The following PPP2R3A variants were observed in gnomAD, a reference collection of about 807,000 sequenced individuals.
PPP2R3A encodes the protein serine/threonine-protein phosphatase 2A regulatory subunit B'' subunit alpha.
A neutral mutation model predicts 106.9 loss-of-function variants in PPP2R3A; 80 were observed. That is an observed-to-expected ratio of 0.75 (90% CI 0.62 to 0.90). The LOEUF (loss-of-function observed/expected upper bound fraction) is 0.90. PPP2R3A is among the 40% of genes least tolerant of loss of function. PPP2R3A has a pLI of 0.00. For missense variants in PPP2R3A, 1,386 were observed against 1,350.4 expected, an observed-to-expected ratio of 1.03 and a Z score of -0.41; for synonymous variants, 483 against 468.3, an observed-to-expected ratio of 1.03 and a Z score of -0.41.
intron 8 of PPP2R3A, among the ~76,000 whole-genome samples, chr3:136,084,380 G>A (rs994747868): frequency 2.6e-5 from 4 of 152,232 alleles, no homozygotes; most frequent in Non-Finnish European, 4.4e-5. Context: ...GTCAAGTATT[G>A]AGATTTGGGA....
At chr3:136,136,062 AAAAAAAAAAAATTATATAT>A (rs1328044896) in intron 13 of PPP2R3A, among the ~76,000 whole-genome samples, 6,430 of 58,166 alleles carry the variant, frequency 0.11, 496 homozygotes, top group East Asian at 0.32. Context: ...AAAAAAAAAA[AAAAAAAAAAAATTATATAT>A]ATATATATAT....
At chr3:136,099,644 T>G (rs943503689) in intron 10 of PPP2R3A, among the ~76,000 whole-genome samples, 4 of 151,120 alleles carry the variant, frequency 2.6e-5, no homozygotes, top group Non-Finnish European at 5.9e-5. Flanking sequence ...CAATAGGAAA[T>G]AGAGACAAGA....
At chr3:136,104,542 G>GTGATC (rs1937466759) in intron 12 of PPP2R3A, among the ~76,000 whole-genome samples, 1 of 152,122 alleles carries the variant, frequency 6.6e-6, no homozygotes, top group African/African-American at 2.4e-5. Flanking sequence ...CCGACCTTAG[G>GTGATC]TGATCTGCCC....
At chr3:136,086,962 G>C (rs1002611224) in intron 8 of PPP2R3A, among the ~76,000 whole-genome samples, 6 of 152,180 alleles carry the variant, frequency 3.9e-5, no homozygotes, top group Non-Finnish European at 8.8e-5. Context: ...AGCACTTTGG[G>C]AGGCTGAGGT....
At chr3:136,046,068 T>C (rs1009060942) in intron 4 of PPP2R3A, among the ~76,000 whole-genome samples, 12 of 152,080 alleles carry the variant, frequency 7.9e-5, no homozygotes, top group Admixed American at 7.9e-4. Flanking sequence ...TTCCAGCTGC[T>C]TGGGAGGCTG....
chr3:136,080,204 A>C (rs1397101791), intron 7 of PPP2R3A, among the ~76,000 whole-genome samples: 1 of 152,176 alleles, frequency 6.6e-6, no homozygotes, highest in Non-Finnish European at 1.5e-5. Flanking sequence ...CCATTCATAT[A>C]AGTCTATCTC....
Position 136,029,636 on chromosome 3 carries a change from A to G in PPP2R3A, c.2262+2538A>G, listed in dbSNP as rs555865602. On this transcript the variant is annotated intron_variant, in intron 3 of 13. Transcript: ENST00000264977. Reference sequence around the variant, plus strand: ...AGCAGTGTTGAAACTGACAGATAACATGGAGAAGTTTAAAAAGATAGAAAA... The same window carrying G: ...AGCAGTGTTGAAACTGACAGATAACGTGGAGAAGTTTAAAAAGATAGAAAA... Among the ~76,000 whole-genome samples, 15 of 152,366 alleles carry G rather than the reference A, an allele frequency of 9.8e-5. No individual in the cohort carries two copies. The South Asian group carries it at 2.7e-3, about 27-fold the overall frequency.
intron 5 of PPP2R3A, among the ~76,000 whole-genome samples, chr3:136,068,541 TAGG>T (rs1936330219): frequency 1.3e-5 from 2 of 151,878 alleles, no homozygotes; most frequent in South Asian, 4.1e-4. Flanking sequence ...AAGAAATAAA[TAGG>T]AGAGAAGAGA....
chr3:136,042,433 C>A (rs1935319566), intron 4 of PPP2R3A, among the ~76,000 whole-genome samples: 2 of 152,144 alleles, frequency 1.3e-5, no homozygotes, highest in Non-Finnish European at 2.9e-5. Context: ...CAGCACACCG[C>A]CACAGCACGT....
intron 1 of PPP2R3A, among the ~76,000 whole-genome samples, chr3:135,979,643 G>T (rs1937512410): frequency 6.6e-6 from 1 of 151,678 alleles, no homozygotes; most frequent in Non-Finnish European, 1.5e-5. Flanking sequence ...TTGTAAAAGT[G>T]GGCACATGGG....
chr3:136,118,261 C>T (rs1412413478), intron 13 of PPP2R3A, among the ~76,000 whole-genome samples: 1 of 152,194 alleles, frequency 6.6e-6, no homozygotes, highest in Non-Finnish European at 1.5e-5. Flanking sequence ...GACAAACCCA[C>T]AGCCAGTATC....
In PPP2R3A at chr3:136,147,675, T is replaced by G. The variant is rs2108050693; in HGVS notation, c.*2509T>G. The G allele has an allele frequency of 6.6e-6, 1 of 152,564 alleles. No homozygotes were observed. The highest frequency in any genetic ancestry group is 2.1e-4 in the South Asian group (1 of 4,830). 9.5% of individuals were successfully genotyped at this position (152,564 alleles called of 1,614,324 possible). ...ACCTTAATGCTAATTCAATGAGAAA[T>G]GAGTTTAATAGCATAACATTACCAA... On this transcript the variant is annotated 3_prime_UTR_variant, in exon 14 of 14. Transcript: ENST00000264977.
chr3:136,079,943 A>C (rs187253392), intron 7 of PPP2R3A, among the ~76,000 whole-genome samples: 49 of 152,126 alleles, frequency 3.2e-4, no homozygotes, highest in African/African-American at 9.2e-4. Context: ...AACAATACTC[A>C]TAAAACATTC....
At chr3:136,103,111 AAAG>A (rs1198719114) in intron 11 of PPP2R3A, 144 bp from the exon 12 acceptor site, 2 of 514,534 alleles carry the variant, frequency 3.9e-6, no homozygotes, top group Middle Eastern at 5.0e-4. Context: ...ACCCTTGAAA[AAAG>A]AAATGAGATT....
rs549402996 is a variant in PPP2R3A at position 135,996,914 on chromosome 3, A to C, written c.-440-4145A>C. On this transcript the variant is annotated intron_variant, in intron 1 of 13. Transcript: ENST00000264977. ...GAAAAATTGAACCTGTCATGGAAAA[A>C]AATTCCTTGTATTTTTCTTCTTCCA... Among the ~76,000 whole-genome samples the C allele has an allele frequency of 1.1e-3, 166 of 152,264 alleles. 1 individual carries two copies. The highest frequency in any genetic ancestry group is 2.2e-3 in the Non-Finnish European group (150 of 68,008).
At chr3:136,141,741 A>G (rs1471958602) in intron 13 of PPP2R3A, among the ~76,000 whole-genome samples, 1 of 152,250 alleles carries the variant, frequency 6.6e-6, no homozygotes, top group Non-Finnish European at 1.5e-5. Flanking sequence ...TTCCAACACT[A>G]TAAACAGCCT....
intron 2 of PPP2R3A, among the ~76,000 whole-genome samples, chr3:136,016,710 C>T (rs979496804): frequency 6.6e-5 from 10 of 152,014 alleles, no homozygotes; most frequent in Admixed American, 2.0e-4. Context: ...AGTCCTTATA[C>T]GTTAGGTGAG....
intron 1 of PPP2R3A, among the ~76,000 whole-genome samples, chr3:135,977,014 C>T (rs557601362): frequency 5.9e-5 from 9 of 152,212 alleles, no homozygotes; most frequent in African/African-American, 1.9e-4. Context: ...ACCATTAATA[C>T]ATTTCAAATT....
chr3:136,032,497 CT>C (rs1184845843), intron 3 of PPP2R3A, among the ~76,000 whole-genome samples: 2,274 of 141,880 alleles, frequency 0.016, 30 homozygotes, highest in African/African-American at 0.04. Flanking sequence ...TTGACTTTCT[CT>C]TTTTTTTTTT....
Sources: allele counts gnomAD v4.1 joint callset (sites outside exome capture counted in the v4.1 genomes callset), GRCh38; gene constraint gnomAD v4.1.1; transcripts MANE v1.5; gene names NCBI Gene and HGNC (gene_info 2026-07-23, HGNC 2026-07-21).